PUDP: variants seen among roughly 807,000 people sequenced by gnomAD.
PUDP encodes pseudouridine-5'-phosphatase.
Under a neutral mutation model 9.4 loss-of-function variants are expected in PUDP, and 8 were observed. The observed-to-expected ratio is 0.85, with a 90% CI of 0.50 to 1.53. The LOEUF (loss-of-function observed/expected upper bound fraction) is 1.53. Among genes scored for constraint, PUDP ranks in the 40% most tolerant of loss-of-function variants. PUDP has a pLI of 0.00. For missense variants in PUDP, 188 were observed against 189.7 expected, an observed-to-expected ratio of 0.99 and a Z score of 0.05; for synonymous variants, 99 against 80.7, an observed-to-expected ratio of 1.23 and a Z score of -1.22.
intron 3 of PUDP, among the ~76,000 whole-genome samples, chrX:6,793,776 A>G (rs1036693139): frequency 7.2e-5 from 8 of 111,339 alleles, no homozygotes; most frequent in Non-Finnish European, 1.1e-4. Context: ...AAAGATTGCT[A>G]TGAGGAATAG....
intron 3 of PUDP, among the ~76,000 whole-genome samples, chrX:6,954,976 CT>C (rs1928606140): frequency 1.8e-5 from 1 of 55,583 alleles, no homozygotes; most frequent in African/African-American, 6.2e-5. Context: ...GTCAAAGACC[CT>C]GCCCCCCTAC....
chrX:6,953,265 T>A (rs974972480), intron 3 of PUDP, among the ~76,000 whole-genome samples: 1 of 111,805 alleles, frequency 8.9e-6, no homozygotes, highest in African/African-American at 3.2e-5. Context: ...TTATTTCTAA[T>A]TCAATTCCAT....
chrX:7,147,668 G>A (rs1338425974), intron 1 of PUDP, among the ~76,000 whole-genome samples: 1 of 112,142 alleles, frequency 8.9e-6, no homozygotes, highest in Non-Finnish European at 1.9e-5. Flanking sequence ...AAGGTCGCAC[G>A]CATGCGTAAC....
intron 3 of PUDP, among the ~76,000 whole-genome samples, chrX:6,910,937 T>G (rs1037412928): frequency 1.8e-5 from 2 of 111,770 alleles, no homozygotes; most frequent in African/African-American, 6.5e-5. Flanking sequence ...AAGGGAGCTC[T>G]CTGGAGCCTC....
intron 1 of PUDP, among the ~76,000 whole-genome samples, chrX:6,982,461 T>C (rs1929049573): frequency 9.1e-6 from 1 of 109,383 alleles, no homozygotes. Flanking sequence ...GTGGTCCTCA[T>C]GCACTGAGTC....
intron 3 of PUDP, among the ~76,000 whole-genome samples, chrX:6,738,987 C>A (rs749182676): frequency 9.0e-6 from 1 of 111,727 alleles, no homozygotes; most frequent in South Asian, 3.8e-4. Flanking sequence ...AGAGTACAAA[C>A]ACCTGCGTTG....
At chrX:6,875,619 C>T (rs1927241589) in intron 3 of PUDP, among the ~76,000 whole-genome samples, 2 of 111,571 alleles carry the variant, frequency 1.8e-5, no homozygotes, top group Non-Finnish European at 3.8e-5. Flanking sequence ...CAACTTCATT[C>T]AGAGCCCTAT....
At chrX:6,741,113 C>T (rs764158955) in intron 3 of PUDP, among the ~76,000 whole-genome samples, 9 of 106,611 alleles carry the variant, frequency 8.4e-5, no homozygotes, top group Middle Eastern at 4.8e-3. Flanking sequence ...GAGCCAAGAT[C>T]GCACCACTGC....
intron 1 of PUDP, among the ~76,000 whole-genome samples, chrX:6,719,168 G>T (rs1225095721): frequency 9.0e-6 from 1 of 111,701 alleles, no homozygotes. Flanking sequence ...GAGGCTGGAA[G>T]TCCAAGATCA....
At chrX:6,837,571 G>A (rs1031134139) in intron 3 of PUDP, among the ~76,000 whole-genome samples, 5 of 112,438 alleles carry the variant, frequency 4.4e-5, no homozygotes, top group African/African-American at 1.6e-4. Context: ...ACCTCACCCT[G>A]GCTCCAATGT....
chrX:6,788,925 G>C (rs1351208731), intron 3 of PUDP, among the ~76,000 whole-genome samples: 2 of 112,010 alleles, frequency 1.8e-5, no homozygotes, highest in East Asian at 5.6e-4. Context: ...GTTTCTTTGA[G>C]AGATGATACC....
chrX:7,093,196 A>G (rs142019392), intron 2 of PUDP, among the ~76,000 whole-genome samples: 1,995 of 110,895 alleles, frequency 0.018, 37 homozygotes, highest in African/African-American at 0.061. Context: ...TCACAATTCT[A>G]CTTTCTGCCT....
chrX:6,828,266 C>A (rs1202208902), intron 3 of PUDP, among the ~76,000 whole-genome samples: 3 of 111,633 alleles, frequency 2.7e-5, no homozygotes, highest in Non-Finnish European at 5.6e-5. Context: ...ATGCACATTG[C>A]ATACTTGTTT....
intron 3 of PUDP, among the ~76,000 whole-genome samples, chrX:6,976,551 A>G (rs781388733): frequency 1.8e-5 from 2 of 111,723 alleles, no homozygotes; most frequent in African/African-American, 3.3e-5. Flanking sequence ...ACCAGTCCCA[A>G]TGAGATGAGC....
In PUDP at chrX:6,801,038, G is replaced by A. The variant is rs966760161; in HGVS notation, c.*248-94572C>T. Among the ~76,000 whole-genome samples, 4 of 111,895 alleles carry A rather than the reference G, an allele frequency of 3.6e-5. 1 individual carries two copies. The highest frequency in any genetic ancestry group is 7.5e-5 in the Non-Finnish European group (4 of 53,233). ...AGGACTCAGCCTGCTGACAGAGCCC[G>A]CGAAGACTTGCTGTTTGATCCCAGG... is the stretch of plus-strand genomic sequence containing the variant. On this transcript the variant is annotated intron_variant and NMD_transcript_variant, in intron 3 of 3. Coordinates refer to the PUDP transcript ENST00000655425.
chrX:6,918,763 TTCATGAGGGCTCTGCCC>T (rs1161241155), intron 3 of PUDP, among the ~76,000 whole-genome samples: 1 of 112,224 alleles, frequency 8.9e-6, no homozygotes, highest in African/African-American at 3.2e-5. Context: ...AAAATGTCCA[TTCATGAGGGCTCTGCCC>T]TCATGACTCA....
intron 1 of PUDP, among the ~76,000 whole-genome samples, chrX:7,136,958 T>C (rs750049312): frequency 8.9e-6 from 1 of 111,916 alleles, no homozygotes; most frequent in East Asian, 2.8e-4. Flanking sequence ...GTCTGAAACA[T>C]TAAGTTTACT....
rs1458596440 is a variant in PUDP, at chrX:7,148,049, C to T, written c.61+4G>A. On this transcript the variant is annotated splice_donor_region_variant and intron_variant, in intron 1 of 3. Coordinates refer to ENST00000381077, the MANE Select transcript of PUDP (RefSeq NM_012080.5). ...ACTGGAGGCGGCGGCTGCACACTAC[C>T]CACCCAGAAGAAGTCCGTCCATGTC... 4 of 1,135,870 alleles carry T rather than the reference C, an allele frequency of 3.5e-6. No homozygotes were observed. In the African/African-American group the frequency reaches 7.6e-5, roughly 22 times the overall value. The allele number at this position is 1,135,870 out of a possible 1,213,427, so 93.6% of individuals were successfully genotyped here. A position where few individuals can be genotyped will look rare whatever the true frequency, so the allele number is the denominator to read the frequency against.
At chrX:7,059,030 A>C (rs1930325203) in intron 3 of PUDP, among the ~76,000 whole-genome samples, 1 of 111,942 alleles carries the variant, frequency 8.9e-6, no homozygotes, top group African/African-American at 3.2e-5. Context: ...TGATATAAAC[A>C]TGTTTATAAC....
Sources: allele counts gnomAD v4.1 joint callset (sites outside exome capture counted in the v4.1 genomes callset), GRCh38; gene constraint gnomAD v4.1.1; transcripts MANE v1.5; gene names NCBI Gene and HGNC (gene_info 2026-07-23, HGNC 2026-07-21).